The following PCDH15 variants were observed in gnomAD, a reference collection of about 807,000 sequenced individuals.
The protein encoded by PCDH15 is protocadherin related 15, also known as protocadherin-15.
Under a neutral mutation model 178.5 loss-of-function variants are expected in PCDH15, and 129 were observed. The ratio of observed to expected loss-of-function variants is 0.72; its 90% CI spans 0.63 to 0.84. The LOEUF (loss-of-function observed/expected upper bound fraction) is 0.84, where lower values mean the gene tolerates loss of function less well. PCDH15 is among the 40% of genes least tolerant of loss of function. The pLI, the probability that PCDH15 is intolerant of heterozygous loss-of-function variation, is 0.00. For synonymous variants in PCDH15, 800 were observed against 732.0 expected, an observed-to-expected ratio of 1.09 and a Z score of -1.50; for missense variants, 2,230 against 2,099.9, an observed-to-expected ratio of 1.06 and a Z score of -1.21.
intron 1 of PCDH15, among the ~76,000 whole-genome samples, chr10:55,225,650 TGAGA>T (rs56234985): frequency 7.4e-4 from 109 of 148,092 alleles, no homozygotes; most frequent in East Asian, 5.8e-3. Flanking sequence ...TGTGTGTGTG[TGAGA>T]GAGAGAGAGA....
intron 3 of PCDH15, among the ~76,000 whole-genome samples, chr10:54,458,690 C>T (rs1001514943): frequency 2.0e-5 from 3 of 152,150 alleles, no homozygotes; most frequent in African/African-American, 7.2e-5. Context: ...ATTCACCATA[C>T]ATGCCTCCCT....
intron 2 of PCDH15, among the ~76,000 whole-genome samples, chr10:55,433,748 T>C (rs1838949530): frequency 6.6e-6 from 1 of 152,168 alleles, no homozygotes; most frequent in African/African-American, 2.4e-5. Context: ...CTAAACGTTC[T>C]TGTAAATATT....
rs534240342 is a variant in PCDH15 at position 55,279,261 on chromosome 10, A to G, written c.-156+40338T>C. On this transcript the variant is annotated intron_variant, in intron 1 of 5. Transcript: ENST00000458638. Reference sequence around the variant, plus strand: ...GCATAGATCATCTAATTGATATGCGATCTCTGAGGAGTTGTCAGAAAAACA... The same window carrying G: ...GCATAGATCATCTAATTGATATGCGGTCTCTGAGGAGTTGTCAGAAAAACA... Among the ~76,000 whole-genome samples, 16 of 152,320 alleles carry G rather than the reference A, an allele frequency of 1.1e-4. No homozygotes were observed. The East Asian group carries it at 3.1e-3, about 29-fold the overall frequency.
intron 13 of PCDH15, among the ~76,000 whole-genome samples, chr10:54,179,889 C>G (rs2047818963): frequency 6.6e-6 from 1 of 152,134 alleles, no homozygotes; most frequent in Non-Finnish European, 1.5e-5. Flanking sequence ...GGATAGCTAG[C>G]TACTAGTATT....
At chr10:53,926,969 T>C (rs1476939273) in intron 25 of PCDH15, among the ~76,000 whole-genome samples, 1 of 152,232 alleles carries the variant, frequency 6.6e-6, no homozygotes, top group Non-Finnish European at 1.5e-5. Flanking sequence ...ATATATTTGT[T>C]AATTTAACAT....
At position 55,290,304 on chromosome 10, in the gene PCDH15, C is replaced by A. The variant is rs1042332416; in HGVS notation, c.-156+29295G>T. Among the ~76,000 whole-genome samples, 5 of 150,328 alleles carry A rather than the reference C, an allele frequency of 3.3e-5. 1 individual carries two copies. The highest frequency in any genetic ancestry group is 7.5e-5 in the African/African-American group (3 of 39,812). ...TATTAGAGTAATTAAATGTTTAATA[C>A]TTTTAATATCTTAAACATCACAGTG... is the stretch of plus-strand genomic sequence containing the variant. On this transcript the variant is annotated intron_variant, in intron 1 of 5. Transcript: ENST00000458638.
chr10:54,083,158 C>T (rs1179303862), intron 16 of PCDH15, among the ~76,000 whole-genome samples: 2 of 152,048 alleles, frequency 1.3e-5, no homozygotes, highest in Non-Finnish European at 2.9e-5. Flanking sequence ...GGGAATAAAT[C>T]AGAATCCTCA....
At chr10:55,568,707 T>C (rs1282970566) in intron 2 of PCDH15, among the ~76,000 whole-genome samples, 2 of 152,038 alleles carry the variant, frequency 1.3e-5, no homozygotes, top group Non-Finnish European at 2.9e-5. Context: ...ATGCCACTTA[T>C]TGCTATTGTC....
At chr10:54,905,213 A>G (rs1396046662) in intron 2 of PCDH15, among the ~76,000 whole-genome samples, 1 of 151,742 alleles carries the variant, frequency 6.6e-6, no homozygotes, top group African/African-American at 2.4e-5. Context: ...GAATAATATC[A>G]AAAGTATTTC....
intron 2 of PCDH15, among the ~76,000 whole-genome samples, chr10:54,995,594 T>G (rs1410202515): frequency 6.8e-6 from 1 of 148,006 alleles, no homozygotes; most frequent in Non-Finnish European, 1.5e-5. Context: ...AACTGATGTT[T>G]ATAGTTTCTT....
intron 1 of PCDH15, among the ~76,000 whole-genome samples, chr10:55,264,419 G>A (rs186902760): frequency 1.3e-5 from 2 of 152,266 alleles, no homozygotes; most frequent in Admixed American, 1.3e-4. Flanking sequence ...GGAGGCATAG[G>A]TGAGGCCGGT....
chr10:53,927,298 A>T (rs2084650070), intron 25 of PCDH15, among the ~76,000 whole-genome samples: 1 of 152,146 alleles, frequency 6.6e-6, no homozygotes, highest in Non-Finnish European at 1.5e-5. Flanking sequence ...GCATTGTCCC[A>T]GTCATTCTTT....
chr10:55,026,606 G>A (rs16906827), intron 2 of PCDH15, among the ~76,000 whole-genome samples: 11,437 of 151,836 alleles, frequency 0.075, 675 homozygotes, highest in African/African-American at 0.16. Flanking sequence ...TATGGACCTG[G>A]GCCAGGAAAA....
chr10:54,173,713 T>C (rs2047132799), intron 13 of PCDH15, among the ~76,000 whole-genome samples: 1 of 152,150 alleles, frequency 6.6e-6, no homozygotes, highest in South Asian at 2.1e-4. Context: ...ACAGTAGTGA[T>C]AGAAAAAGAA....
intron 3 of PCDH15, among the ~76,000 whole-genome samples, chr10:54,401,198 C>A (rs1951891201): frequency 6.6e-6 from 1 of 151,918 alleles, no homozygotes; most frequent in African/African-American, 2.4e-5. Context: ...CTAAAAACAA[C>A]TTTAGCTATA....
intron 2 of PCDH15, among the ~76,000 whole-genome samples, chr10:55,105,800 T>C (rs1156986927): frequency 6.6e-6 from 1 of 152,116 alleles, no homozygotes; most frequent in Non-Finnish European, 1.5e-5. Context: ...TAATGTATGG[T>C]AGTTAGACAT....
chr10:54,063,308 C>T (rs1294473080), intron 18 of PCDH15, among the ~76,000 whole-genome samples: 2 of 152,188 alleles, frequency 1.3e-5, no homozygotes, highest in Non-Finnish European at 2.9e-5. Flanking sequence ...TTTCTCTGTG[C>T]CTTTACTTAT....
At chr10:54,028,534 A>C (rs2093188967) in intron 18 of PCDH15, among the ~76,000 whole-genome samples, 1 of 151,848 alleles carries the variant, frequency 6.6e-6, no homozygotes, top group South Asian at 2.1e-4. Context: ...TCTTGGAACC[A>C]ACCCAAATGT....
At chr10:54,272,058 T>C (rs1202812779) in intron 8 of PCDH15, among the ~76,000 whole-genome samples, 1 of 143,888 alleles carries the variant, frequency 6.9e-6, no homozygotes, top group African/African-American at 2.6e-5. Flanking sequence ...TATAAAACAT[T>C]TGCTACTGGT....
Sources: allele counts gnomAD v4.1 joint callset (sites outside exome capture counted in the v4.1 genomes callset), GRCh38; gene constraint gnomAD v4.1.1; transcripts MANE v1.5; gene names NCBI Gene and HGNC (gene_info 2026-07-23, HGNC 2026-07-21).